NUBPL: variants seen among roughly 807,000 people sequenced by gnomAD.
The protein encoded by NUBPL is iron-sulfur cluster transfer protein NUBPL.
A neutral mutation model predicts 45.7 loss-of-function variants in NUBPL; 31 were observed. The observed-to-expected ratio is 0.68, with a 90% CI of 0.51 to 0.92. The LOEUF (loss-of-function observed/expected upper bound fraction) is 0.92, where lower values mean the gene tolerates loss of function less well. Ranked by LOEUF, NUBPL falls within the 40% of genes least tolerant of loss-of-function variation. NUBPL has a pLI of 0.00. For missense variants in NUBPL, 401 were observed against 398.7 expected, an observed-to-expected ratio of 1.01 and a Z score of -0.05; for synonymous variants, 144 against 140.9, an observed-to-expected ratio of 1.02 and a Z score of -0.15.
intron 7 of NUBPL, chr14:31,800,983 C>T (rs1242971238): frequency 6.6e-6 from 1 of 152,070 alleles, no homozygotes; most frequent in Non-Finnish European, 1.5e-5. Context: ...TTAAGGAAAC[C>T]AACCAGAGAT....
intron 4 of NUBPL, among the ~76,000 whole-genome samples, chr14:31,670,678 A>G (rs1375038213): frequency 1.3e-5 from 2 of 152,058 alleles, no homozygotes; most frequent in African/African-American, 4.8e-5. Flanking sequence ...TCCAGCTTCA[A>G]TTTCTACTTA....
intron 6 of NUBPL, among the ~76,000 whole-genome samples, chr14:31,683,018 C>CTTT (rs34251298): frequency 0.076 from 10,153 of 133,914 alleles, 1,221 homozygotes; most frequent in African/African-American, 0.24. Flanking sequence ...TGCTAGGTTC[C>CTTT]TTTTTTTTTT....
At chr14:31,620,950 G>T (rs1566453356) in intron 4 of NUBPL, among the ~76,000 whole-genome samples, 1 of 152,308 alleles carries the variant, frequency 6.6e-6, no homozygotes, top group East Asian at 1.9e-4. Context: ...CCTGACTGGG[G>T]CTGCTGCCTT....
chr14:31,755,118 T>G (rs2038628527), intron 6 of NUBPL, among the ~76,000 whole-genome samples: 1 of 152,032 alleles, frequency 6.6e-6, no homozygotes, highest in Non-Finnish European at 1.5e-5. Flanking sequence ...TTTGGGTTGG[T>G]TCCAAATCTT....
chr14:31,781,654 T>G (rs1326508059), intron 6 of NUBPL, among the ~76,000 whole-genome samples: 2 of 152,220 alleles, frequency 1.3e-5, no homozygotes, highest in African/African-American at 4.8e-5. Flanking sequence ...AGGGCCAAAA[T>G]TATAAGTTCT....
intron 6 of NUBPL, among the ~76,000 whole-genome samples, chr14:31,747,120 C>T (rs1027440887): frequency 4.9e-5 from 7 of 142,002 alleles, no homozygotes; most frequent in Admixed American, 1.4e-4. Flanking sequence ...AGCAGTAAAG[C>T]GATTCAGTCC....
At chr14:31,601,985 A>G (rs2034446497) in intron 4 of NUBPL, among the ~76,000 whole-genome samples, 1 of 152,240 alleles carries the variant, frequency 6.6e-6, no homozygotes, top group Non-Finnish European at 1.5e-5. Context: ...ACTTGGAACC[A>G]ACCCAGATGT....
intron 3 of NUBPL, among the ~76,000 whole-genome samples, chr14:31,586,428 C>G (rs1373453189): frequency 6.6e-6 from 1 of 152,092 alleles, no homozygotes; most frequent in Non-Finnish European, 1.5e-5. Flanking sequence ...GTTGAAGGAA[C>G]TATGTAAGCA....
chr14:31,628,377 C>T (rs1194836832), intron 4 of NUBPL, among the ~76,000 whole-genome samples: 1 of 152,122 alleles, frequency 6.6e-6, no homozygotes, highest in Non-Finnish European at 1.5e-5. Flanking sequence ...AGTGTTTACA[C>T]ATTTCATTAT....
intron 4 of NUBPL, among the ~76,000 whole-genome samples, chr14:31,618,960 T>C (rs1473586403): frequency 6.6e-6 from 1 of 152,214 alleles, no homozygotes; most frequent in Non-Finnish European, 1.5e-5. Context: ...GCTTTACGAA[T>C]CTGGGTGCTC....
At chr14:31,822,509 T>C (rs1179720527) in intron 7 of NUBPL, among the ~76,000 whole-genome samples, 1 of 152,150 alleles carries the variant, frequency 6.6e-6, no homozygotes, top group Non-Finnish European at 1.5e-5. Context: ...TACTAAACTT[T>C]GATGTACTAT....
At chr14:31,760,377 T>G (rs1445301163) in intron 6 of NUBPL, among the ~76,000 whole-genome samples, 1 of 151,954 alleles carries the variant, frequency 6.6e-6, no homozygotes, top group African/African-American at 2.4e-5. Context: ...GGTGTCAAAC[T>G]CCTGGGCTGA....
chr14:31,602,670 G>A (rs1039656417), intron 4 of NUBPL, among the ~76,000 whole-genome samples: 2 of 152,072 alleles, frequency 1.3e-5, no homozygotes, highest in Admixed American at 1.3e-4. Context: ...ACTACTGTGA[G>A]GATTAATATA....
At chr14:31,752,468 C>G (rs966219606) in intron 6 of NUBPL, among the ~76,000 whole-genome samples, 1 of 152,214 alleles carries the variant, frequency 6.6e-6, no homozygotes, top group African/African-American at 2.4e-5. Context: ...TGCTACCAGT[C>G]TCTTCGCTAA....
At chr14:31,778,553 T>G (rs957084701) in intron 6 of NUBPL, among the ~76,000 whole-genome samples, 2 of 152,214 alleles carry the variant, frequency 1.3e-5, no homozygotes, top group Admixed American at 1.3e-4. Context: ...TTTTGAATAA[T>G]TTGCCCTGTA....
At chr14:31,689,849 G>A (rs1316526625) in intron 6 of NUBPL, among the ~76,000 whole-genome samples, 1 of 151,940 alleles carries the variant, frequency 6.6e-6, no homozygotes, top group Non-Finnish European at 1.5e-5. Context: ...ATCATATAAA[G>A]AAGGGATCCA....
In NUBPL at chr14:31,709,792, C is replaced by T. The variant is rs568399049; in HGVS notation, c.513+36218C>T. On this transcript the variant is annotated intron_variant, in intron 6 of 10. Coordinates refer to ENST00000281081, the MANE Select transcript of NUBPL (RefSeq NM_025152.3). ...CTTGAAGGGGACATAACCGATAGCC[C>T]AGGGGTTTTTGTTGTCCTTTGGAGA... is the stretch of plus-strand genomic sequence containing the variant. Among the ~76,000 whole-genome samples, 54 of 152,214 alleles carry T rather than the reference C, an allele frequency of 3.5e-4. No homozygotes were observed. In the South Asian group the frequency reaches 0.011, roughly 30 times the overall value.
intron 6 of NUBPL, among the ~76,000 whole-genome samples, chr14:31,708,289 A>C (rs2037496479): frequency 6.6e-6 from 1 of 152,194 alleles, no homozygotes; most frequent in African/African-American, 2.4e-5. Flanking sequence ...TCAGGCCTTA[A>C]GGGATATTGC....
At chr14:31,847,395 A>T (rs944218176) in intron 9 of NUBPL, among the ~76,000 whole-genome samples, 4 of 152,158 alleles carry the variant, frequency 2.6e-5, no homozygotes, top group Admixed American at 1.3e-4. Context: ...AATGTGTTTG[A>T]TATGTCTTTA....
Sources: gnomAD v4.1 joint callset for allele counts (sites outside exome capture counted in the v4.1 genomes callset) on GRCh38, gnomAD v4.1.1 for gene constraint, MANE v1.5 for transcripts, NCBI Gene and HGNC (gene_info 2026-07-23, HGNC 2026-07-21) for gene names.